The following SGK1 variants were observed in gnomAD, a reference collection of about 807,000 sequenced individuals.
SGK1 encodes the protein serine/threonine-protein kinase Sgk1.
SGK1 carries 26 observed loss-of-function variants against 64.2 expected under a neutral mutation model. The observed-to-expected ratio is 0.40, with a 90% CI of 0.30 to 0.56. The LOEUF (loss-of-function observed/expected upper bound fraction) is 0.56, where lower values mean the gene tolerates loss of function less well. Among genes scored for constraint, SGK1 ranks in the 20% least tolerant of loss-of-function variants. The probability of loss-of-function intolerance (pLI) is 0.38; values close to 1 mark genes in which losing one functional copy is unlikely to be tolerated. For missense variants in SGK1, 519 were observed against 645.6 expected, an observed-to-expected ratio of 0.80 and a Z score of 2.12; for synonymous variants, 265 against 239.7, an observed-to-expected ratio of 1.11 and a Z score of -0.98.
At chr6:134,191,942 C>A (rs1775519501) in intron 3 of SGK1, among the ~76,000 whole-genome samples, 1 of 147,432 alleles carries the variant, frequency 6.8e-6, no homozygotes, top group Non-Finnish European at 1.5e-5. Context: ...TCAAGGGATG[C>A]TCCTGCCTCA....
intron 1 of SGK1, among the ~76,000 whole-genome samples, chr6:134,284,687 C>T (rs1048870921): frequency 1.3e-5 from 2 of 152,038 alleles, no homozygotes; most frequent in Non-Finnish European, 2.9e-5. Flanking sequence ...GTTTCACCAA[C>T]AGGCCAGTTT....
intron 1 of SGK1, among the ~76,000 whole-genome samples, chr6:134,278,975 C>T (rs534619586): frequency 1.7e-4 from 26 of 152,142 alleles, no homozygotes; most frequent in African/African-American, 5.8e-4. Context: ...AAAAAGGATG[C>T]ATTTCAGGAC....
At chr6:134,284,491 C>CT (rs34917996) in intron 1 of SGK1, among the ~76,000 whole-genome samples, 45,231 of 142,926 alleles carry the variant, frequency 0.32, 7,142 homozygotes, top group East Asian at 0.56. Flanking sequence ...TTCTTTCTTT[C>CT]TTTTTTTTTT....
chr6:134,187,402 T>C (rs1324847792), intron 3 of SGK1, among the ~76,000 whole-genome samples: 1 of 152,176 alleles, frequency 6.6e-6, no homozygotes, highest in East Asian at 1.9e-4. Flanking sequence ...GGGGGAATAG[T>C]GAGTGGTGCC....
chr6:134,174,441 G>A (rs1775142461), intron 4 of SGK1, 70 bp downstream of exon 4: 1 of 1,120,034 alleles, frequency 8.9e-7, no homozygotes, highest in South Asian at 1.3e-5. Flanking sequence ...GATAAACGCC[G>A]TGATGAGAAT....
chr6:134,174,848 C>T lies in SGK1; in HGVS notation c.362-262G>A, dbSNP rs1223104595. 4 of 1,612,904 alleles carry T rather than the reference C, an allele frequency of 2.5e-6. No individual in the cohort carries two copies. In the East Asian group the frequency reaches 8.9e-5, roughly 36 times the overall value. On this transcript the variant is annotated intron_variant, in intron 3 of 13. Coordinates refer to ENST00000367858, the MANE Select transcript of SGK1 (RefSeq NM_001143676.3). ...ACAGAAAGACGTTAGCGCTCAAAGA[C>T]CGGCTCGGCGTATGCTGCGCCAGGC...
chr6:134,189,223 T>TGTGTGTGTGTGTGTGC (rs751805559), intron 3 of SGK1, among the ~76,000 whole-genome samples: 1 of 149,708 alleles, frequency 6.7e-6, no homozygotes. Flanking sequence ...TGTGTGTGTG[T>TGTGTGTGTGTGTGTGC]GTGTGCGTGT....
At chr6:134,232,084 T>C (rs1167474944) in intron 2 of SGK1, among the ~76,000 whole-genome samples, 5 of 148,808 alleles carry the variant, frequency 3.4e-5, no homozygotes, top group Non-Finnish European at 1.5e-5. Context: ...CTATATTAAG[T>C]TAAATAAAAG....
intron 2 of SGK1, among the ~76,000 whole-genome samples, chr6:134,227,505 C>T (rs1470302542): frequency 3.9e-5 from 6 of 152,194 alleles, no homozygotes; most frequent in Non-Finnish European, 8.8e-5. Context: ...GACACTCACT[C>T]AGGACAGAAA....
At chr6:134,195,547 G>A (rs1440680849) in intron 3 of SGK1, among the ~76,000 whole-genome samples, 1 of 152,136 alleles carries the variant, frequency 6.6e-6, no homozygotes, top group African/African-American at 2.4e-5. Flanking sequence ...ATGACTCTAA[G>A]TATCTTTACA....
intron 3 of SGK1, among the ~76,000 whole-genome samples, chr6:134,206,024 T>G (rs1189359449): frequency 6.6e-6 from 1 of 152,082 alleles, no homozygotes; most frequent in Non-Finnish European, 1.5e-5. Context: ...CATACCCTAC[T>G]CTTTGTCTAA....
chr6:134,224,550 G>A (rs1332672905), intron 2 of SGK1, among the ~76,000 whole-genome samples: 1 of 151,974 alleles, frequency 6.6e-6, no homozygotes, highest in Non-Finnish European at 1.5e-5. Context: ...TTTTCTCTAG[G>A]TGCTCTGGCA....
intron 3 of SGK1, among the ~76,000 whole-genome samples, chr6:134,187,924 G>T (rs1037333927): frequency 6.6e-6 from 1 of 152,328 alleles, no homozygotes; most frequent in Admixed American, 6.5e-5. Flanking sequence ...CCCGAGGAAA[G>T]GTGCCATATC....
chr6:134,251,452 A>G (rs542930297), intron 2 of SGK1, among the ~76,000 whole-genome samples: 1 of 152,352 alleles, frequency 6.6e-6, no homozygotes, highest in African/African-American at 2.4e-5. Context: ...ATTTGGTTAC[A>G]TACAACAAAA....
At chr6:134,237,961 T>C (rs575568056) in intron 2 of SGK1, among the ~76,000 whole-genome samples, 4 of 152,296 alleles carry the variant, frequency 2.6e-5, no homozygotes, top group African/African-American at 9.6e-5. Flanking sequence ...CAAAATTTTA[T>C]ACCAGAAAAA....
At chr6:134,207,928 G>A (rs75216929) in intron 2 of SGK1, among the ~76,000 whole-genome samples, 4,921 of 152,000 alleles carry the variant, frequency 0.032, 260 homozygotes, top group African/African-American at 0.11. Context: ...TTTTTTGTTT[G>A]TTTGAGACAG....
chr6:134,248,617 A>G (rs564757103), intron 2 of SGK1, among the ~76,000 whole-genome samples: 2 of 151,998 alleles, frequency 1.3e-5, no homozygotes, highest in East Asian at 3.9e-4. Flanking sequence ...ACGCCCAGAT[A>G]GTTTTTATAT....
intron 3 of SGK1, among the ~76,000 whole-genome samples, chr6:134,176,219 T>C (rs1775229526): frequency 6.6e-6 from 1 of 152,144 alleles, no homozygotes; most frequent in Non-Finnish European, 1.5e-5. Flanking sequence ...ACCCTGCAGG[T>C]CATGATACAT....
intron 2 of SGK1, among the ~76,000 whole-genome samples, chr6:134,220,372 A>G (rs1776071382): frequency 6.6e-6 from 1 of 152,188 alleles, no homozygotes; most frequent in Non-Finnish European, 1.5e-5. Context: ...AGTGGCTTAC[A>G]GAAGGCTACA....
Sources: gnomAD v4.1 joint callset for allele counts (sites outside exome capture counted in the v4.1 genomes callset) on GRCh38, gnomAD v4.1.1 for gene constraint, MANE v1.5 for transcripts, NCBI Gene and HGNC (gene_info 2026-07-23, HGNC 2026-07-21) for gene names.